NEK10: variants seen among roughly 807,000 people sequenced by gnomAD.
The protein encoded by NEK10 is serine/threonine-protein kinase Nek10.
Under a neutral mutation model 159.8 loss-of-function variants are expected in NEK10, and 122 were observed. The ratio of observed to expected loss-of-function variants is 0.76; its 90% CI spans 0.66 to 0.89. NEK10 has a LOEUF of 0.89. NEK10 is among the 40% of genes least tolerant of loss of function. The pLI, the probability that NEK10 is intolerant of heterozygous loss-of-function variation, is 0.00. For synonymous variants in NEK10, 466 were observed against 457.1 expected (o/e 1.02, Z -0.25); for missense variants, 1,342 against 1,323.1 (o/e 1.01, Z -0.22).
chr3:27,332,237 G>A (rs921448162), intron 5 of NEK10, among the ~76,000 whole-genome samples: 3 of 152,136 alleles, frequency 2.0e-5, no homozygotes, highest in Non-Finnish European at 4.4e-5. Context: ...AAGTTATACT[G>A]CAACATTGCC....
At chr3:27,196,570 A>G (rs888315068) in intron 25 of NEK10, among the ~76,000 whole-genome samples, 4 of 151,800 alleles carry the variant, frequency 2.6e-5, no homozygotes, top group Non-Finnish European at 5.9e-5. Flanking sequence ...AAACCTTTAC[A>G]CTCCAATGTT....
At chr3:27,128,803 CATACTTACTATGCTATCTGTATGTCCAA>C (rs1942276582) in intron 32 of NEK10, among the ~76,000 whole-genome samples, 1 of 152,080 alleles carries the variant, frequency 6.6e-6, no homozygotes, top group African/African-American at 2.4e-5. Flanking sequence ...TCCTTGACAC[CATACTTACTATGCTATCTGTATGTCCAA>C]ATATTCCAGT....
chr3:27,128,935 G>A (rs12186035), intron 32 of NEK10, among the ~76,000 whole-genome samples: 4,049 of 152,090 alleles, frequency 0.027, 84 homozygotes, highest in Non-Finnish European at 0.035. Context: ...TTAGTTTCTC[G>A]ACTATTTCAA....
intron 1 of NEK10, among the ~76,000 whole-genome samples, chr3:27,354,516 T>C (rs1202782965): frequency 1.3e-5 from 2 of 152,198 alleles, no homozygotes; most frequent in African/African-American, 4.8e-5. Context: ...TCCTTTCCAT[T>C]TAATGGCTGC....
At chr3:27,214,613 A>G (rs35840526) in intron 23 of NEK10, among the ~76,000 whole-genome samples, 35,425 of 151,228 alleles carry the variant, frequency 0.23, 4,490 homozygotes, top group Middle Eastern at 0.38. Context: ...ATTTCCAGAG[A>G]GAAAATACAA....
At chr3:27,295,817 A>G (rs1171447475) in intron 14 of NEK10, 127 bp from the exon 15 acceptor site, 3 of 1,244,188 alleles carry the variant, frequency 2.4e-6, no homozygotes, top group African/African-American at 3.1e-5. Flanking sequence ...TGGACCTTGA[A>G]GTAAACATTA....
rs1236134141 is a variant in NEK10 at position 27,307,991 on chromosome 3, A to G, written c.717-46T>C. 5.4e-6 allele frequency: 5 copies of G among 921,322 alleles called. No individual in the cohort carries two copies. In the East Asian group the frequency reaches 9.7e-5, roughly 18 times the overall value. 57.1% of individuals were successfully genotyped at this position (921,322 alleles called of 1,614,324 possible). ...GCAATTACTAAAAGCATATTTTGCT[A>G]GATCCATGTATTAGTCCTTTTTCAA... is the stretch of plus-strand genomic sequence containing the variant. On this transcript the variant is annotated intron_variant, in intron 10 of 35. Coordinates refer to ENST00000691995, the MANE Select transcript of NEK10 (RefSeq NM_001394966.1).
intron 23 of NEK10, among the ~76,000 whole-genome samples, chr3:27,254,467 C>T (rs1350629584): frequency 6.6e-6 from 1 of 152,186 alleles, no homozygotes; most frequent in African/African-American, 2.4e-5. Flanking sequence ...CCAGATTCTG[C>T]TTTTGGAGAA....
intron 23 of NEK10, chr3:27,206,619 C>A (rs772873526): frequency 1.3e-5 from 13 of 985,290 alleles, no homozygotes; most frequent in Non-Finnish European, 1.6e-5. Context: ...CCATTGAAAC[C>A]ATATGCTGGT....
intron 23 of NEK10, among the ~76,000 whole-genome samples, chr3:27,216,878 T>C (rs945532737): frequency 6.6e-6 from 1 of 152,232 alleles, no homozygotes; most frequent in Non-Finnish European, 1.5e-5. Context: ...TGCTATGCAA[T>C]GATTATCTGA....
chr3:27,191,975 C>T (rs548401708), intron 26 of NEK10, 54 bp downstream of exon 26: 21 of 1,509,290 alleles, frequency 1.4e-5, no homozygotes, highest in Non-Finnish European at 1.2e-5. Flanking sequence ...GCATGAACAA[C>T]TTCAGACAGC....
intron 22 of NEK10, among the ~76,000 whole-genome samples, chr3:27,260,331 A>T (rs2040290048): frequency 6.6e-6 from 1 of 152,138 alleles, no homozygotes; most frequent in South Asian, 2.1e-4. Context: ...GTTTTTGCCC[A>T]TTCAGTATGA....
chr3:27,177,553 A>AT (rs1462767467), intron 26 of NEK10, among the ~76,000 whole-genome samples: 167 of 137,276 alleles, frequency 1.2e-3, no homozygotes, highest in African/African-American at 4.1e-3. Context: ...CTCAAAAAAA[A>AT]AAATATATAT....
At chr3:27,121,671 C>A (rs895815256) in intron 32 of NEK10, among the ~76,000 whole-genome samples, 8 of 152,132 alleles carry the variant, frequency 5.3e-5, no homozygotes, top group South Asian at 2.1e-4. Flanking sequence ...TCCAATTAAA[C>A]CTCTTTCTTT....
rs142336104 is a variant in NEK10 at position 27,192,185 on chromosome 3, T to C, written c.2349A>G (p.Ile783Met). 3.7e-6 allele frequency: 6 copies of C among 1,614,078 alleles called. No individual in the cohort carries two copies. Among genetic ancestry groups the C allele is most frequent in the Middle Eastern group, 1.6e-4 (1 of 6,084 alleles). ...RPDIVEVSSMISDVMMKYLDN... is the reference protein window; with the variant it reads ...RPDIVEVSSMMSDVMMKYLDN... ...CTAAATATTTCATCATGACATCTGA[T>C]ATCATCGAACTGACTTCTACAATAT... The change falls in exon 26 of 36, where the codon ATA (isoleucine) becomes ATG (methionine). Residue 783 changes from isoleucine to methionine, a missense_variant. Physicochemically the swap from Ile to Met is conservative, Grantham distance 10. Transcript: ENST00000691995.
rs1333519850 is a variant in NEK10 at position 27,109,329 on chromosome 3, A to T, written c.*1943T>A. ...GGGTGGCGGAGGTTGCAGTAAGTTAAGATCTCGCCATTGCACTCAAGCCTG... is the reference window on the plus strand; with the variant it reads ...GGGTGGCGGAGGTTGCAGTAAGTTATGATCTCGCCATTGCACTCAAGCCTG... On this transcript the variant is annotated 3_prime_UTR_variant, in exon 36 of 36. Coordinates refer to ENST00000691995, the MANE Select transcript of NEK10 (RefSeq NM_001394966.1). Among the ~76,000 whole-genome samples, 1 of 151,060 alleles carries T rather than the reference A, an allele frequency of 6.6e-6. No homozygotes were observed. The highest frequency in any genetic ancestry group is 2.4e-5 in the African/African-American group (1 of 41,152).
chr3:27,264,423 A>T (rs559216795), intron 22 of NEK10, among the ~76,000 whole-genome samples: 1 of 152,208 alleles, frequency 6.6e-6, no homozygotes, highest in Non-Finnish European at 1.5e-5. Context: ...CCAGTGACAT[A>T]TAAAAAGCAT....
intron 23 of NEK10, among the ~76,000 whole-genome samples, chr3:27,253,224 T>A (rs1955842724): frequency 6.6e-6 from 1 of 152,176 alleles, no homozygotes; most frequent in Non-Finnish European, 1.5e-5. Context: ...TTTTCCATTT[T>A]TATTGGAAAA....
intron 32 of NEK10, among the ~76,000 whole-genome samples, chr3:27,126,229 T>C (rs551387379): frequency 1.3e-5 from 2 of 152,252 alleles, no homozygotes; most frequent in Non-Finnish European, 2.9e-5. Flanking sequence ...CTGATCTGCA[T>C]TGAAACAGAG....
Sources: gnomAD v4.1 joint callset for allele counts (sites outside exome capture counted in the v4.1 genomes callset) on GRCh38, gnomAD v4.1.1 for gene constraint, MANE v1.5 for transcripts, NCBI Gene and HGNC (gene_info 2026-07-23, HGNC 2026-07-21) for gene names.